The following PAPPA variants were observed in gnomAD, a reference collection of about 807,000 sequenced individuals.
The protein encoded by PAPPA is pappalysin-1.
Under a neutral mutation model 164.0 loss-of-function variants are expected in PAPPA, and 60 were observed. The ratio of observed to expected loss-of-function variants is 0.37; its 90% CI spans 0.30 to 0.45. PAPPA has a LOEUF of 0.45. PAPPA is among the 20% of genes least tolerant of loss of function. The pLI, the probability that PAPPA is intolerant of heterozygous loss-of-function variation, is 1.00. For missense variants in PAPPA, 1,782 were observed against 2,087.3 expected (o/e 0.85, Z 2.85); for synonymous variants, 875 against 814.1 (o/e 1.07, Z -1.27).
chr9:116,226,673 C>G (rs1190940395), intron 5 of PAPPA, among the ~76,000 whole-genome samples: 1 of 152,148 alleles, frequency 6.6e-6, no homozygotes, highest in East Asian at 1.9e-4. Context: ...TAAACAGATG[C>G]CAAATCTGGA....
At chr9:116,343,314 C>G (rs765973812) in intron 13 of PAPPA, among the ~76,000 whole-genome samples, 1 of 152,134 alleles carries the variant, frequency 6.6e-6, no homozygotes, top group Non-Finnish European at 1.5e-5. Context: ...TAAAGATTAG[C>G]CTGCAATCTG....
chr9:116,154,562 C>T lies in PAPPA; in HGVS notation c.390C>T (p.Gly130=). ...AAGTGTGGCTGCGAGCGGAGGGGGG[C>T]CAGAGGTCTCCGGCAGTGATCACAG... is the stretch of plus-strand genomic sequence containing the variant. ...TLQVWLRAEG[G]QRSPAVITGL... The change falls in exon 1 of 22, where the codon GGC becomes GGT. Residue 130 remains glycine, a synonymous_variant. Transcript: ENST00000328252. This position sits in a 1 kb window ranked among gnomAD's most constrained non-coding sequence, Gnocchi z 5.2. 2 of 1,403,804 alleles carry T rather than the reference C, an allele frequency of 1.4e-6. No homozygotes were observed. The highest frequency in any genetic ancestry group is 1.9e-6 in the Non-Finnish European group (2 of 1,076,778). The allele number at this position is 1,403,804 out of a possible 1,614,324, so 87.0% of individuals were successfully genotyped here.
intron 1 of PAPPA, among the ~76,000 whole-genome samples, chr9:116,181,498 CTTTAA>C (rs1373281425): frequency 1.3e-5 from 2 of 152,178 alleles, no homozygotes; most frequent in African/African-American, 4.8e-5. Context: ...TGTCACCTCA[CTTTAA>C]TTTAATTACC....
rs967306755 is a variant in PAPPA at position 116,367,652 on chromosome 9, G to A, written c.4503G>A (p.Glu1501=). Residue 1501 remains glutamate (E), a synonymous_variant, in exon 19 of 22, where the codon GAG becomes GAA. Transcript: ENST00000328252. ...QCPDGYAIGS[E]CATSCLDHNS... ...ATGCTGTACTTCCCTCAGGGTCGGA[G>A]TGTGCCACCTCGTGCCTGGACCACA... The A allele has an allele frequency of 6.2e-7, 1 of 1,613,476 alleles. No homozygotes were observed. The highest frequency in any genetic ancestry group is 1.1e-5 in the South Asian group (1 of 90,952).
intron 1 of PAPPA, among the ~76,000 whole-genome samples, chr9:116,172,536 A>G (rs1331191754): frequency 1.3e-5 from 2 of 152,160 alleles, no homozygotes; most frequent in East Asian, 3.8e-4. Context: ...CTGTGAGCAA[A>G]ATCTACTGAC....
rs1486695052 is a variant in PAPPA at position 116,361,817 on chromosome 9, A to G, written c.4348-775A>G. On this transcript the variant is annotated intron_variant, in intron 17 of 21. Transcript: ENST00000328252. ...CCACAGAGCTGGGCACAGATTGGAC[A>G]CTAACGAATCTTACTTGAATTAGCT... Among the ~76,000 whole-genome samples, 3 of 152,322 alleles carry G rather than the reference A, an allele frequency of 2.0e-5. No homozygotes were observed. In the East Asian group the frequency reaches 5.8e-4, roughly 29 times the overall value.
intron 1 of PAPPA, among the ~76,000 whole-genome samples, chr9:116,161,481 T>A (rs1216245865): frequency 1.2e-4 from 19 of 152,170 alleles, no homozygotes; most frequent in Admixed American, 1.2e-3. Flanking sequence ...CCACTTAAAT[T>A]GTGTGATTCT....
intron 7 of PAPPA, among the ~76,000 whole-genome samples, chr9:116,241,462 C>T (rs1844734749): frequency 6.6e-6 from 1 of 152,144 alleles, no homozygotes; most frequent in Non-Finnish European, 1.5e-5. Flanking sequence ...TGAAAGCTAG[C>T]TGAGCTGCCA....
chr9:116,206,401 A>G (rs1310529526), intron 2 of PAPPA, among the ~76,000 whole-genome samples: 2 of 152,164 alleles, frequency 1.3e-5, no homozygotes, highest in East Asian at 3.9e-4. Flanking sequence ...CCACCCATAG[A>G]AATGATCTGT....
intron 17 of PAPPA, among the ~76,000 whole-genome samples, chr9:116,358,456 T>G (rs1428321947): frequency 1.3e-5 from 2 of 152,362 alleles, no homozygotes; most frequent in Non-Finnish European, 2.9e-5. Context: ...GATTGCTTCA[T>G]TTAAGCCCCA....
At chr9:116,381,851 C>A (rs1396142373) in intron 20 of PAPPA, among the ~76,000 whole-genome samples, 1 of 152,208 alleles carries the variant, frequency 6.6e-6, no homozygotes, top group African/African-American at 2.4e-5. Context: ...TCAAGTACAT[C>A]TGCCCTCCTT....
At chr9:116,248,336 GGTGGGTCCCCAACT>G (rs1334886096) in intron 7 of PAPPA, among the ~76,000 whole-genome samples, 1 of 152,228 alleles carries the variant, frequency 6.6e-6, no homozygotes, top group Non-Finnish European at 1.5e-5. Flanking sequence ...TCCTTGATCA[GGTGGGTCCCCAACT>G]GTGGGCCCAA....
intron 5 of PAPPA, among the ~76,000 whole-genome samples, chr9:116,226,542 G>A (rs1380190195): frequency 1.3e-5 from 2 of 152,162 alleles, no homozygotes; most frequent in Admixed American, 6.5e-5. Context: ...GACATTTCTC[G>A]ACGTCTTCCC....
intron 4 of PAPPA, among the ~76,000 whole-genome samples, chr9:116,218,405 GC>G (rs1844402313): frequency 1.3e-5 from 2 of 152,182 alleles, no homozygotes; most frequent in Non-Finnish European, 2.9e-5. Context: ...GATTGGAAGA[GC>G]CCTGTACTCC....
chr9:116,233,681 C>A (rs1844624889), intron 6 of PAPPA, among the ~76,000 whole-genome samples: 1 of 152,126 alleles, frequency 6.6e-6, no homozygotes, highest in South Asian at 2.1e-4. Flanking sequence ...CTTGGCTAAG[C>A]AGAGGCAAGG....
At chr9:116,325,079 G>C (rs1845904584) in intron 10 of PAPPA, among the ~76,000 whole-genome samples, 1 of 152,142 alleles carries the variant, frequency 6.6e-6, no homozygotes, top group Non-Finnish European at 1.5e-5. Context: ...ACTGGTCGTT[G>C]GTGCCCTTTC....
rs529827008 is a variant in PAPPA, at chr9:116,401,494, A to G, written c.*4878A>G. Reference sequence around the variant, plus strand: ...TTGCTTTCTTGGGTCTCTATAATCAATAACCTGTCTGCAGATATCTATCTA... The same window carrying G: ...TTGCTTTCTTGGGTCTCTATAATCAGTAACCTGTCTGCAGATATCTATCTA... On this transcript the variant is annotated 3_prime_UTR_variant, in exon 22 of 22. Coordinates refer to ENST00000328252, the MANE Select transcript of PAPPA (RefSeq NM_002581.5). 1 of 152,242 alleles carries G rather than the reference A, an allele frequency of 6.6e-6. No individual in the cohort carries two copies. The highest frequency in any genetic ancestry group is 1.9e-4 in the East Asian group (1 of 5,170). 9.4% of individuals were successfully genotyped at this position (152,242 alleles called of 1,614,324 possible).
intron 1 of PAPPA, among the ~76,000 whole-genome samples, chr9:116,176,788 A>G (rs1843841072): frequency 6.6e-6 from 1 of 152,220 alleles, no homozygotes; most frequent in South Asian, 2.1e-4. Context: ...ACATATGTGC[A>G]TGAACATACA....
At chr9:116,351,592 A>G (rs1290218676) in intron 15 of PAPPA, among the ~76,000 whole-genome samples, 5 of 152,196 alleles carry the variant, frequency 3.3e-5, no homozygotes, top group Non-Finnish European at 7.3e-5. Context: ...ACTTCCCATT[A>G]AAAACAACCA....
Sources: allele counts gnomAD v4.1 joint callset (sites outside exome capture counted in the v4.1 genomes callset), GRCh38; gene constraint gnomAD v4.1.1; non-coding constraint Gnocchi (gnomAD v3.1); transcripts MANE v1.5; gene names NCBI Gene and HGNC (gene_info 2026-07-23, HGNC 2026-07-21).